DAB1: variants seen among roughly 807,000 people sequenced by gnomAD.
DAB1 encodes DAB adaptor protein 1, also known as disabled homolog 1.
DAB1 carries 15 observed loss-of-function variants against 64.6 expected under a neutral mutation model. The observed-to-expected ratio is 0.23, with a 90% CI of 0.16 to 0.36. DAB1 has a LOEUF of 0.36. Among genes scored for constraint, DAB1 ranks in the 10% least tolerant of loss-of-function variants. DAB1 has a pLI of 1.00. For synonymous variants in DAB1, 235 were observed against 251.9 expected (o/e 0.93, Z 0.64); for missense variants, 596 against 706.7 (o/e 0.84, Z 1.78).
At chr1:58,049,197 C>A (rs1647456021) in intron 5 of DAB1, 2 of 768,492 alleles carry the variant, frequency 2.6e-6, no homozygotes, top group Non-Finnish European at 4.8e-6. Context: ...CTCAAAATGG[C>A]TTCTCAGGTT....
intron 8 of DAB1, among the ~76,000 whole-genome samples, chr1:57,067,005 C>T (rs1313666972): frequency 7.7e-6 from 1 of 130,242 alleles, no homozygotes; most frequent in Non-Finnish European, 1.7e-5. Context: ...GGAACACTTA[C>T]AAGCCCTTAA....
chr1:58,485,355 A>G (rs886806609), intron 3 of DAB1, among the ~76,000 whole-genome samples: 1 of 150,100 alleles, frequency 6.7e-6, no homozygotes, highest in African/African-American at 2.5e-5. Flanking sequence ...GTATCACATG[A>G]TATTTCTTGA....
intron 5 of DAB1, among the ~76,000 whole-genome samples, chr1:58,098,610 A>G (rs1291061956): frequency 1.3e-5 from 2 of 152,202 alleles, no homozygotes; most frequent in Non-Finnish European, 2.9e-5. Context: ...AGTACCCTAG[A>G]ATGTGTCTGT....
At chr1:57,053,818 G>C (rs2100537035) in intron 9 of DAB1, among the ~76,000 whole-genome samples, 1 of 151,124 alleles carries the variant, frequency 6.6e-6, no homozygotes, top group South Asian at 2.1e-4. Context: ...CTCCTGAGTA[G>C]CTGGGACTAC....
intron 5 of DAB1, among the ~76,000 whole-genome samples, chr1:58,008,391 C>T (rs571572214): frequency 1.6e-4 from 24 of 152,010 alleles, no homozygotes; most frequent in African/African-American, 5.5e-4. Context: ...TAGAGGAAAG[C>T]GAGAATGTGA....
At chr1:58,230,137 A>C (rs1266880712) in intron 4 of DAB1, among the ~76,000 whole-genome samples, 9 of 152,170 alleles carry the variant, frequency 5.9e-5, no homozygotes, top group African/African-American at 2.2e-4. Context: ...TTAAGTTGAA[A>C]AAAAGAACAA....
At chr1:57,096,072 G>A (rs1434988513) in intron 4 of DAB1, among the ~76,000 whole-genome samples, 1 of 152,104 alleles carries the variant, frequency 6.6e-6, no homozygotes, top group East Asian at 1.9e-4. Context: ...TTTCTCATTT[G>A]AGCCTCATCA....
chr1:57,509,438 T>C (rs547631289), intron 7 of DAB1, among the ~76,000 whole-genome samples: 2 of 152,164 alleles, frequency 1.3e-5, no homozygotes, highest in African/African-American at 2.4e-5. Context: ...TAGAAACATA[T>C]ATTTTAGTCC....
At chr1:57,937,000 T>A (rs1450401592) in intron 5 of DAB1, among the ~76,000 whole-genome samples, 1 of 151,970 alleles carries the variant, frequency 6.6e-6, no homozygotes, top group Non-Finnish European at 1.5e-5. Flanking sequence ...CTTTGTCAGC[T>A]CCCTTTGGGC....
At chr1:57,867,820 C>T (rs1355431275) in intron 1 of DAB1, among the ~76,000 whole-genome samples, 1 of 152,072 alleles carries the variant, frequency 6.6e-6, no homozygotes, top group Non-Finnish European at 1.5e-5. Context: ...TGCAGAGTGC[C>T]CTGGTCATTA....
intron 7 of DAB1, among the ~76,000 whole-genome samples, chr1:57,515,899 T>C (rs1644458802): frequency 1.3e-5 from 2 of 152,206 alleles, no homozygotes; most frequent in African/African-American, 4.8e-5. Context: ...AGTACAATTT[T>C]CTCTCTTTTC....
intron 1 of DAB1, among the ~76,000 whole-genome samples, chr1:57,353,354 G>T (rs1678769452): frequency 6.6e-6 from 1 of 151,984 alleles, no homozygotes; most frequent in South Asian, 2.1e-4. Context: ...TGGCTGTTCC[G>T]TCCTATTCTG....
At chr1:58,118,596 CTAT>C (rs1385593282) in intron 5 of DAB1, among the ~76,000 whole-genome samples, 20 of 104,598 alleles carry the variant, frequency 1.9e-4, no homozygotes, top group African/African-American at 8.1e-4. Flanking sequence ...ATATAAAATA[CTAT>C]ATATATATAC....
chr1:57,015,345 G>A lies in DAB1; in HGVS notation c.982C>T (p.Pro328Ser), dbSNP rs561439816. The stretch of plus-strand genomic sequence containing the variant: ...GCCCCCGGCATCACCTGAGCGACTG[G>A]TGGCTGGGCACCCATGACCATCTGC... ...QQQMVMGAQP[P>S]VAQVMPGAQP... is the part of the protein sequence containing the mutation. The change falls in exon 12 of 15, where the codon CCA (proline) becomes TCA (serine). Residue 328 changes from proline (P) to serine (S), a missense_variant. Pro to Ser is a moderately conservative substitution (Grantham distance 74, BLOSUM62 -1). This residue lies in a region of DAB1 where 377 missense variants were observed against 400.4 expected (regional missense o/e 0.94). Transcript: ENST00000371236. 2.5e-6 allele frequency: 4 copies of A among 1,614,076 alleles called. No homozygotes were observed. The highest frequency in any genetic ancestry group is 1.6e-4 in the Middle Eastern group (1 of 6,062).
chr1:58,183,531 G>A (rs1034936284), intron 4 of DAB1, among the ~76,000 whole-genome samples: 1 of 151,992 alleles, frequency 6.6e-6, no homozygotes, highest in African/African-American at 2.4e-5. Context: ...ATTGCAAGTT[G>A]GATTTTCATT....
intron 5 of DAB1, among the ~76,000 whole-genome samples, chr1:57,961,806 TA>T (rs769293065): frequency 6.6e-6 from 1 of 151,414 alleles, no homozygotes; most frequent in East Asian, 1.9e-4. Flanking sequence ...CCATCTCTAC[TA>T]AAAAATACAA....
intron 4 of DAB1, among the ~76,000 whole-genome samples, chr1:58,197,441 C>T (rs1341888055): frequency 6.6e-6 from 1 of 150,620 alleles, no homozygotes. Context: ...TGCTCTGTCA[C>T]CAGACTGGAG....
intron 4 of DAB1, among the ~76,000 whole-genome samples, chr1:58,279,345 C>T (rs1363528300): frequency 6.6e-6 from 1 of 152,102 alleles, no homozygotes; most frequent in East Asian, 1.9e-4. Context: ...ATTAATAAAC[C>T]TAACTCCTGC....
chr1:57,455,867 C>T (rs1258270258), intron 7 of DAB1, among the ~76,000 whole-genome samples: 1 of 152,144 alleles, frequency 6.6e-6, no homozygotes, highest in Non-Finnish European at 1.5e-5. Context: ...ATATATCTGT[C>T]ATTTCTAGTC....
Sources: allele counts gnomAD v4.1 joint callset (sites outside exome capture counted in the v4.1 genomes callset), GRCh38; gene constraint gnomAD v4.1.1; regional missense constraint gnomAD v4.1.1; transcripts MANE v1.5; gene names NCBI Gene and HGNC (gene_info 2026-07-23, HGNC 2026-07-21).